SUPT5H: variants seen among roughly 807,000 people sequenced by gnomAD.
The protein encoded by SUPT5H is SPT5 homolog, DSIF elongation factor subunit.
A neutral mutation model predicts 142.5 loss-of-function variants in SUPT5H; 24 were observed. That is an observed-to-expected ratio of 0.17 (90% CI 0.12 to 0.24). The LOEUF (loss-of-function observed/expected upper bound fraction) is 0.24. Ranked by LOEUF, SUPT5H falls within the 10% of genes least tolerant of loss-of-function variation. The pLI is 1.00. For synonymous variants in SUPT5H, 546 were observed against 553.0 expected (o/e 0.99, Z 0.18); for missense variants, 893 against 1,471.8 (o/e 0.61, Z 6.43).
chr19:39,465,064 G>T lies in SUPT5H; in HGVS notation c.876+15G>T, dbSNP rs1051494785. 2.5e-6 allele frequency: 4 copies of T among 1,606,168 alleles called. No individual in the cohort carries two copies. Among genetic ancestry groups the T allele is most frequent in the Non-Finnish European group, 3.4e-6 (4 of 1,174,392 alleles). ...ACATTGCTCAGGTGCCCGGGGCGGG[G>T]TGGCATGGGGGTCAGGGTCCCTCCA... On this transcript the variant is annotated intron_variant, in intron 11 of 29. Coordinates refer to ENST00000432763, the MANE Select transcript of SUPT5H (RefSeq NM_001111020.3).
chr19:39,451,833 G>C lies in SUPT5H; in HGVS notation c.76-1523G>C, dbSNP rs569601225. On this transcript the variant is annotated intron_variant, in intron 2 of 29. Coordinates refer to ENST00000432763, the MANE Select transcript of SUPT5H (RefSeq NM_001111020.3). ...AGGCATGAGCCACTGCACCTGACCA[G>C]ATTTCAGATTTTTGGATTAGGGATG... 6.6e-5 allele frequency among the ~76,000 whole-genome samples: 10 copies of C among 152,304 alleles called. No individual in the cohort carries two copies. In the South Asian group the frequency reaches 2.1e-3, roughly 32 times the overall value.
rs970802194 is a variant in SUPT5H, at chr19:39,473,195, G to A, written c.2259-8G>A. On this transcript the variant is annotated splice_polypyrimidine_tract_variant and splice_region_variant and intron_variant, in intron 23 of 29. Transcript: ENST00000432763. This position sits in a 1 kb window ranked among gnomAD's most constrained non-coding sequence, Gnocchi z 5.8. Reference sequence around the variant, plus strand: ...TCTGCTCACCCCATTTGTTCTCTGCGTCCCCAGGGGCTCACGGCGCCCGGG... The same window carrying A: ...TCTGCTCACCCCATTTGTTCTCTGCATCCCCAGGGGCTCACGGCGCCCGGG... 7 of 1,611,678 alleles carry A rather than the reference G, an allele frequency of 4.3e-6. No homozygotes were observed. The highest frequency in any genetic ancestry group is 2.2e-5 in the East Asian group (1 of 44,876).
rs778150501 is a variant in SUPT5H, at chr19:39,472,379, C to T, written c.1951-30C>T. 1.2e-5 allele frequency: 19 copies of T among 1,610,838 alleles called. No homozygotes were observed. In the East Asian group the frequency reaches 2.2e-4, roughly 19 times the overall value. On this transcript the variant is annotated intron_variant, in intron 20 of 29. Transcript: ENST00000432763. This position sits in a 1 kb window ranked among gnomAD's most constrained non-coding sequence, Gnocchi z 4.2. ...GGTTTGTGGTTCCCCCATCCCCTGCCTGCCAGTTCACTCCTTGCTTCTATC... is the reference window on the plus strand; with the variant it reads ...GGTTTGTGGTTCCCCCATCCCCTGCTTGCCAGTTCACTCCTTGCTTCTATC...
Position 39,471,387 on chromosome 19 carries a change from G to A in SUPT5H, c.1708G>A (p.Val570Ile). The change falls in exon 19 of 30, where the codon GTC (valine) becomes ATC (isoleucine). Residue 570 changes from valine (V) to isoleucine (I), a missense_variant. Physicochemically the swap from Val to Ile is conservative, Grantham distance 29. This residue lies in a region of SUPT5H where 428 missense variants were observed against 763.5 expected (regional missense o/e 0.56). Transcript: ENST00000432763. ...VLNMYGKVVT[V>I]RHQAVTRKKD... ...GAACATGTACGGGAAGGTGGTGACT[G>A]TCAGACATCAGGCTGTGACCCGGAA... The A allele has an allele frequency of 1.9e-6, 3 of 1,614,224 alleles. No homozygotes were observed. The highest frequency in any genetic ancestry group is 2.7e-5 in the African/African-American group (2 of 75,058).
Position 39,476,450 on chromosome 19 carries a change from TC to T in SUPT5H, c.*54del. On this transcript the variant is annotated 3_prime_UTR_variant, in exon 30 of 30. Coordinates refer to ENST00000432763, the MANE Select transcript of SUPT5H (RefSeq NM_001111020.3). Reference sequence around the variant, plus strand: ...CGGATGAAGAGTGATCCTCCTTCCTTCCCTGGCCCTTGGCTGTGACACAAGA... The same window carrying T: ...CGGATGAAGAGTGATCCTCCTTCCTTCCTGGCCCTTGGCTGTGACACAAGA... 1 of 1,606,922 alleles carries T rather than the reference TC, an allele frequency of 6.2e-7. No homozygotes were observed. The highest frequency in any genetic ancestry group is 8.5e-7 in the Non-Finnish European group (1 of 1,176,564).
chr19:39,461,246 C>T (rs1009374480), intron 10 of SUPT5H, among the ~76,000 whole-genome samples: 1 of 151,608 alleles, frequency 6.6e-6, no homozygotes, highest in Non-Finnish European at 1.5e-5. Context: ...GCCAAGACTG[C>T]GCTATTGCAC....
intron 2 of SUPT5H, 33 bp downstream of exon 2, chr19:39,445,998 G>A (rs745644699): frequency 3.1e-6 from 5 of 1,601,406 alleles, no homozygotes; most frequent in Non-Finnish European, 8.5e-7. Flanking sequence ...GAGACATTGC[G>A]TCTGGGGACA....
chr19:39,475,757 G>A, intron 28 of SUPT5H: 1 of 329,924 alleles, frequency 3.0e-6, no homozygotes. Flanking sequence ...GCAGACCATG[G>A]GGCGGTCCCT....
intron 2 of SUPT5H, among the ~76,000 whole-genome samples, chr19:39,450,433 G>A (rs891285793): frequency 1.3e-5 from 2 of 152,166 alleles, no homozygotes; most frequent in South Asian, 2.1e-4. Context: ...ATGCCACTGC[G>A]CCCAGGCCCA....
rs2079044422 is a variant in SUPT5H, at chr19:39,453,364, A to G, written c.84A>G (p.Glu28=). Reference sequence around the variant, plus strand: ...CTGCCTGACCCCTGTAGGTAGACGAAGAGCGGCGGAGTGCAGCGGGCAGTG... The same window carrying G: ...CTGCCTGACCCCTGTAGGTAGACGAGGAGCGGCGGAGTGCAGCGGGCAGTG... The part of the protein sequence containing the change: ...SSDGEEAEVD[E]ERRSAAGSEK... Residue 28 remains glutamate (E), a synonymous_variant, in exon 3 of 30, where the codon GAA becomes GAG. Transcript: ENST00000432763. 7 of 1,602,190 alleles carry G rather than the reference A, an allele frequency of 4.4e-6. No homozygotes were observed. In the East Asian group the frequency reaches 1.6e-4, roughly 36 times the overall value.
Position 39,458,507 on chromosome 19 carries a change from C to A in SUPT5H, c.319+202C>A. 2 of 977,692 alleles carry A rather than the reference C, an allele frequency of 2.0e-6. No homozygotes were observed. Among genetic ancestry groups the A allele is most frequent in the Non-Finnish European group, 3.0e-6 (2 of 659,080 alleles). 60.6% of individuals were successfully genotyped at this position (977,692 alleles called of 1,614,324 possible). A position where few individuals can be genotyped will look rare whatever the true frequency, so the allele number is the denominator to read the frequency against. ...TTGACCTGGGAAAGCACGGATGTGTCTGTCTGGGACTGAGCATTTGTGGGT... is the reference window on the plus strand; with the variant it reads ...TTGACCTGGGAAAGCACGGATGTGTATGTCTGGGACTGAGCATTTGTGGGT... On this transcript the variant is annotated intron_variant, in intron 5 of 29. Coordinates refer to ENST00000432763, the MANE Select transcript of SUPT5H (RefSeq NM_001111020.3). This position sits in a 1 kb window ranked among gnomAD's most constrained non-coding sequence, Gnocchi z 4.2.
At position 39,474,318 on chromosome 19, in the gene SUPT5H, C is replaced by T. The variant is rs772627026; in HGVS notation, c.2736C>T (p.His912=). Residue 912 remains histidine (H), a synonymous_variant, in exon 27 of 30, where the codon CAC becomes CAT. Coordinates refer to ENST00000432763, the MANE Select transcript of SUPT5H (RefSeq NM_001111020.3). The surrounding 1 kb of genome is among the most constrained non-coding windows in gnomAD (Gnocchi z 6.5). ...YQPSPSPQSY[H]QVAPSPAGYQ... ...CCAGCCCCAGCCCCCAGAGCTACCA[C>T]CAGGTGGCGCCAAGCCCAGCAGGCT... The T allele has an allele frequency of 1.9e-6, 3 of 1,614,124 alleles. No individual in the cohort carries two copies. The Admixed American group carries it at 5.0e-5, about 27-fold the overall frequency.
At position 39,458,714 on chromosome 19, in the gene SUPT5H, GCCCC is replaced by G; in HGVS notation, c.320-103_320-100del. ...TTCCTCTGTGAGATGTCATCTTCCT[GCCCC>G]AGGGCCAAACCCTGGCCCTCTTAGC... On this transcript the variant is annotated intron_variant, in intron 5 of 29. Transcript: ENST00000432763. The surrounding 1 kb of genome is among the most constrained non-coding windows in gnomAD (Gnocchi z 4.2). The G allele has an allele frequency of 9.2e-7, 1 of 1,081,358 alleles. No individual in the cohort carries two copies. Among genetic ancestry groups the G allele is most frequent in the Non-Finnish European group, 1.3e-6 (1 of 752,254 alleles). The allele number at this position is 1,081,358 out of a possible 1,614,324, so 67.0% of individuals were successfully genotyped here.
At chr19:39,452,343 A>G (rs532723147) in intron 2 of SUPT5H, among the ~76,000 whole-genome samples, 24 of 152,306 alleles carry the variant, frequency 1.6e-4, no homozygotes, top group Non-Finnish European at 2.4e-4. Flanking sequence ...GGTCATGGAA[A>G]GTAAAATGGA....
At chr19:39,447,694 C>T (rs1390881912) in intron 2 of SUPT5H, among the ~76,000 whole-genome samples, 1 of 152,032 alleles carries the variant, frequency 6.6e-6, no homozygotes, top group Non-Finnish European at 1.5e-5. Flanking sequence ...ACTGGGATTA[C>T]AGGCGTGAGC....
Position 39,466,956 on chromosome 19 carries a change from G to T in SUPT5H, c.1037+211G>T. The T allele has an allele frequency of 1.7e-6, 1 of 583,656 alleles. No individual in the cohort carries two copies. The highest frequency in any genetic ancestry group is 3.0e-6 in the Non-Finnish European group (1 of 328,910). The allele number at this position is 583,656 out of a possible 1,614,324, so 36.2% of individuals were successfully genotyped here. A position where few individuals can be genotyped will look rare whatever the true frequency, so the allele number is the denominator to read the frequency against. ...TGATGAGGCTGGGCGCAGCGGGAGG[G>T]AGCACTTTGGAAGGCTAAGGCAGGA... On this transcript the variant is annotated intron_variant, in intron 13 of 29. Coordinates refer to ENST00000432763, the MANE Select transcript of SUPT5H (RefSeq NM_001111020.3). This position sits in a 1 kb window ranked among gnomAD's most constrained non-coding sequence, Gnocchi z 4.3.
intron 3 of SUPT5H, among the ~76,000 whole-genome samples, chr19:39,454,095 A>G (rs73549930): frequency 0.011 from 1,731 of 152,324 alleles, 27 homozygotes; most frequent in African/African-American, 0.04. Context: ...TTCAAGTAGC[A>G]GTGAGTGTAA....
intron 10 of SUPT5H, chr19:39,460,171 G>T: frequency 1.7e-6 from 1 of 575,554 alleles, no homozygotes; most frequent in Non-Finnish European, 3.1e-6. Flanking sequence ...ATTTATGGCA[G>T]GGTCTTCCCA....
chr19:39,474,477 A>G lies in SUPT5H; in HGVS notation c.2821-38A>G, dbSNP rs374418087. 7.3e-4 allele frequency: 1,178 copies of G among 1,612,480 alleles called. 21 individuals carry two copies. In the South Asian group the frequency reaches 0.011, roughly 15 times the overall value. On this transcript the variant is annotated intron_variant, in intron 27 of 29. Transcript: ENST00000432763. This position sits in a 1 kb window ranked among gnomAD's most constrained non-coding sequence, Gnocchi z 6.5. ...GGGCATATAGGGTCGGCCAGGCCAGATGACTATTCCCAATGACACTTCCTC... is the reference window on the plus strand; with the variant it reads ...GGGCATATAGGGTCGGCCAGGCCAGGTGACTATTCCCAATGACACTTCCTC...
Sources: allele counts gnomAD v4.1 joint callset (sites outside exome capture counted in the v4.1 genomes callset), GRCh38; gene constraint gnomAD v4.1.1; regional missense constraint gnomAD v4.1.1; non-coding constraint Gnocchi (gnomAD v3.1); transcripts MANE v1.5; gene names NCBI Gene and HGNC (gene_info 2026-07-23, HGNC 2026-07-21).